Variants in LDLRAD3 observed in about 807,000 individuals in gnomAD.
LDLRAD3 encodes low density lipoprotein receptor class A domain containing 3.
A neutral mutation model predicts 29.4 loss-of-function variants in LDLRAD3; 20 were observed. The observed-to-expected ratio is 0.68, with a 90% CI of 0.48 to 0.99. LDLRAD3 has a LOEUF of 0.99. LDLRAD3 is among the 50% of genes least tolerant of loss of function. The probability of loss-of-function intolerance (pLI) is 0.00; values close to 1 mark genes in which losing one functional copy is unlikely to be tolerated. For missense variants in LDLRAD3, 420 were observed against 454.3 expected, an observed-to-expected ratio of 0.92 and a Z score of 0.69; for synonymous variants, 157 against 192.7, an observed-to-expected ratio of 0.81 and a Z score of 1.53.
At chr11:36,194,929 T>A (rs1336548936) in intron 4 of LDLRAD3, among the ~76,000 whole-genome samples, 1 of 152,178 alleles carries the variant, frequency 6.6e-6, no homozygotes, top group Non-Finnish European at 1.5e-5. Flanking sequence ...TAGTCTAAAA[T>A]AATTAACAGA....
intron 1 of LDLRAD3, among the ~76,000 whole-genome samples, chr11:35,954,269 G>A (rs568530958): frequency 6.3e-4 from 96 of 152,220 alleles, no homozygotes; most frequent in African/African-American, 1.8e-3. Context: ...TATATTCAGC[G>A]GAAGGAACAC....
rs978007590 is a variant in LDLRAD3 at position 36,047,399 on chromosome 11, T to C, written c.193+11150T>C. Among the ~76,000 whole-genome samples, 6 of 152,290 alleles carry C rather than the reference T, an allele frequency of 3.9e-5. No homozygotes were observed. In the South Asian group the frequency reaches 6.2e-4, roughly 16 times the overall value. ...TTTAAATTCCGAGACACACATTTTT[T>C]CCCCACATTTTTCAATGGGCTAAGA... On this transcript the variant is annotated intron_variant, in intron 2 of 5. Transcript: ENST00000315571.
intron 3 of LDLRAD3, among the ~76,000 whole-genome samples, chr11:36,097,570 G>C (rs1853379463): frequency 6.6e-6 from 1 of 152,174 alleles, no homozygotes; most frequent in African/African-American, 2.4e-5. Context: ...GGGGTGGAGA[G>C]TGGCAAAATA....
intron 4 of LDLRAD3, among the ~76,000 whole-genome samples, chr11:36,172,192 C>A (rs536256693): frequency 3.2e-4 from 49 of 152,236 alleles, no homozygotes; most frequent in African/African-American, 1.2e-3. Context: ...TGAAACTTTA[C>A]TGAATTTATT....
chr11:36,051,691 T>A (rs73450467), intron 2 of LDLRAD3, among the ~76,000 whole-genome samples: 12,189 of 152,046 alleles, frequency 0.08, 808 homozygotes, highest in African/African-American at 0.16. Flanking sequence ...ACTCATAAAT[T>A]TTCGGAATGA....
intron 3 of LDLRAD3, among the ~76,000 whole-genome samples, chr11:36,092,200 G>T (rs1036116103): frequency 1.3e-5 from 2 of 152,150 alleles, no homozygotes; most frequent in East Asian, 1.9e-4. Flanking sequence ...TTTAGACCAG[G>T]CTATAATACA....
At chr11:36,173,964 C>T (rs577573561) in intron 4 of LDLRAD3, among the ~76,000 whole-genome samples, 7 of 152,234 alleles carry the variant, frequency 4.6e-5, no homozygotes, top group Middle Eastern at 3.4e-3. Context: ...CTTCAAACTA[C>T]ACTACAAGGC....
intron 1 of LDLRAD3, among the ~76,000 whole-genome samples, chr11:36,015,163 G>T (rs192977206): frequency 6.6e-6 from 1 of 152,224 alleles, no homozygotes; most frequent in Non-Finnish European, 1.5e-5. Context: ...AGAGCCTTGC[G>T]CCAGGTCTGA....
chr11:35,983,223 C>T (rs932015177), intron 1 of LDLRAD3, among the ~76,000 whole-genome samples: 9 of 152,322 alleles, frequency 5.9e-5, no homozygotes, highest in African/African-American at 2.2e-4. Context: ...TATTTCCTTA[C>T]CTCCGTCATA....
chr11:36,064,479 AT>A (rs34464861), intron 2 of LDLRAD3, among the ~76,000 whole-genome samples: 2,648 of 120,570 alleles, frequency 0.022, 48 homozygotes, highest in African/African-American at 0.066. Context: ...TGGCTAATTA[AT>A]TTTTTTTTTT....
intron 4 of LDLRAD3, among the ~76,000 whole-genome samples, chr11:36,209,943 G>T (rs1390866982): frequency 2.6e-5 from 4 of 152,230 alleles, no homozygotes; most frequent in African/African-American, 4.8e-5. Context: ...GGTGCCAAGG[G>T]TTGCCTCTGG....
At chr11:36,170,256 A>G (rs1204583354) in intron 4 of LDLRAD3, among the ~76,000 whole-genome samples, 1 of 149,430 alleles carries the variant, frequency 6.7e-6, no homozygotes, top group African/African-American at 2.5e-5. Context: ...GTATATATAT[A>G]TACACATATA....
chr11:36,070,800 G>T (rs1565201468), intron 2 of LDLRAD3, among the ~76,000 whole-genome samples: 1 of 152,126 alleles, frequency 6.6e-6, no homozygotes, highest in African/African-American at 2.4e-5. Context: ...CTGCAACACT[G>T]CCCCAGAGGA....
intron 1 of LDLRAD3, among the ~76,000 whole-genome samples, chr11:36,012,299 G>A (rs1022211461): frequency 6.6e-6 from 1 of 152,170 alleles, no homozygotes; most frequent in Non-Finnish European, 1.5e-5. Context: ...TTTGAGGTGT[G>A]ACAGCAAAAC....
chr11:36,069,575 AC>A (rs2133243373), intron 2 of LDLRAD3, among the ~76,000 whole-genome samples: 1 of 151,904 alleles, frequency 6.6e-6, no homozygotes, highest in African/African-American at 2.4e-5. Flanking sequence ...TGTCATTCTC[AC>A]ATCTTTACAG....
chr11:36,083,242 A>G (rs954770071), intron 3 of LDLRAD3, among the ~76,000 whole-genome samples: 1 of 152,220 alleles, frequency 6.6e-6, no homozygotes, highest in South Asian at 2.1e-4. Context: ...TAAGTATATC[A>G]TGACACATAG....
intron 4 of LDLRAD3, among the ~76,000 whole-genome samples, chr11:36,203,652 C>T (rs1424986293): frequency 6.6e-6 from 1 of 152,180 alleles, no homozygotes; most frequent in Non-Finnish European, 1.5e-5. Context: ...TGGATACTTG[C>T]AAAGAACTTT....
intron 4 of LDLRAD3, among the ~76,000 whole-genome samples, chr11:36,136,201 T>G (rs1854001551): frequency 6.6e-6 from 1 of 152,134 alleles, no homozygotes; most frequent in Non-Finnish European, 1.5e-5. Context: ...CTCAGAAGGA[T>G]TAAGTTGAGG....
chr11:36,100,468 C>T (rs1045577081), intron 4 of LDLRAD3, among the ~76,000 whole-genome samples: 1 of 152,208 alleles, frequency 6.6e-6, no homozygotes, highest in Non-Finnish European at 1.5e-5. Context: ...TGGACGGAGT[C>T]TTGCTCTGTC....
Sources: gnomAD v4.1 joint callset for allele counts (sites outside exome capture counted in the v4.1 genomes callset) on GRCh38, gnomAD v4.1.1 for gene constraint, MANE v1.5 for transcripts, NCBI Gene and HGNC (gene_info 2026-07-23, HGNC 2026-07-21) for gene names.